Variants in RANBP9 observed in about 807,000 individuals in gnomAD.
RANBP9 encodes the protein RAN binding protein 9, also known as ran-binding protein 9.
Under a neutral mutation model 84.3 loss-of-function variants are expected in RANBP9, and 15 were observed. The observed-to-expected ratio is 0.18, with a 90% confidence interval of 0.12 to 0.27. The LOEUF is 0.27. Among genes scored for constraint, RANBP9 ranks in the 10% least tolerant of loss-of-function variants. RANBP9 has a pLI of 1.00. For synonymous variants in RANBP9, 392 were observed against 349.6 expected (o/e 1.12, Z -1.35); for missense variants, 809 against 912.8 (o/e 0.89, Z 1.46).
intron 13 of RANBP9, among the ~76,000 whole-genome samples, chr6:13,622,924 G>C (rs1444573105): frequency 6.6e-6 from 1 of 152,168 alleles, no homozygotes; most frequent in African/African-American, 2.4e-5. Flanking sequence ...CACCTCTGTG[G>C]ATAGGACCAA....
At chr6:13,686,741 T>C (rs1385966973) in intron 2 of RANBP9, among the ~76,000 whole-genome samples, 2 of 152,216 alleles carry the variant, frequency 1.3e-5, no homozygotes, top group African/African-American at 2.4e-5. Flanking sequence ...CTTTTCTAAA[T>C]GGGTTGTGAA....
At chr6:13,706,301 G>T (rs966400010) in intron 1 of RANBP9, among the ~76,000 whole-genome samples, 1 of 152,152 alleles carries the variant, frequency 6.6e-6, no homozygotes, top group African/African-American at 2.4e-5. Context: ...CCGAGATGGC[G>T]CCACTGCACT....
intron 5 of RANBP9, among the ~76,000 whole-genome samples, chr6:13,650,025 T>C (rs563439126): frequency 1.3e-5 from 2 of 152,338 alleles, no homozygotes; most frequent in Non-Finnish European, 2.9e-5. Context: ...TTTTTAAAAA[T>C]TTAACTCTTT....
chr6:13,665,284 TAAC>T (rs1765621299), intron 2 of RANBP9, among the ~76,000 whole-genome samples: 1 of 151,988 alleles, frequency 6.6e-6, no homozygotes, highest in Non-Finnish European at 1.5e-5. Flanking sequence ...ATTTAAAACT[TAAC>T]AAAAGACATA....
At chr6:13,709,051 T>A (rs1189139982) in intron 1 of RANBP9, among the ~76,000 whole-genome samples, 1 of 152,156 alleles carries the variant, frequency 6.6e-6, no homozygotes, top group Admixed American at 6.5e-5. Context: ...CAACAGAAAG[T>A]AATAAAGAGG....
chr6:13,631,367 T>C (rs1236982515), intron 12 of RANBP9, among the ~76,000 whole-genome samples: 1 of 152,194 alleles, frequency 6.6e-6, no homozygotes, highest in Non-Finnish European at 1.5e-5. Context: ...CCTACACTTG[T>C]GCTATGTTTC....
chr6:13,674,654 C>T (rs1412387956), intron 2 of RANBP9, among the ~76,000 whole-genome samples: 1 of 152,142 alleles, frequency 6.6e-6, no homozygotes, highest in Non-Finnish European at 1.5e-5. Context: ...ATAACTGAAA[C>T]CTGTTAGCAA....
Position 13,711,423 on chromosome 6 carries a change from G to A in RANBP9, c.83C>T (p.Ala28Val), listed in dbSNP as rs1160311782. ...CGGCAGGACGACTCCGGAGACTGGGGCCAAGGCCGCCGGCGGTGGCGGCGA... is the reference window on the plus strand; with the variant it reads ...CGGCAGGACGACTCCGGAGACTGGGACCAAGGCCGCCGGCGGTGGCGGCGA... ...QLSPPPPAAL[A>V]PVSGVVLPAP... Residue 28 changes from alanine (A) to valine (V), a missense_variant, in exon 1 of 14, where the codon GCC (alanine) becomes GTC (valine). Ala to Val is a moderately conservative substitution (Grantham distance 64). This residue lies in a region of RANBP9 where 302 missense variants were observed against 240.1 expected (regional missense o/e 1.26). Coordinates refer to ENST00000011619, the MANE Select transcript of RANBP9 (RefSeq NM_005493.3). The A allele has an allele frequency of 3.4e-6, 4 of 1,192,182 alleles. No individual in the cohort carries two copies. Among genetic ancestry groups the A allele is most frequent in the Non-Finnish European group, 3.1e-6 (3 of 962,508 alleles). 73.9% of individuals were successfully genotyped at this position (1,192,182 alleles called of 1,614,324 possible).
chr6:13,641,885 C>A (rs991267381), intron 7 of RANBP9, among the ~76,000 whole-genome samples: 5 of 152,160 alleles, frequency 3.3e-5, no homozygotes, highest in South Asian at 2.1e-4. Context: ...GTTGTTTTCA[C>A]CCATTAATTT....
intron 1 of RANBP9, among the ~76,000 whole-genome samples, chr6:13,706,376 T>G (rs1322188810): frequency 1.3e-5 from 2 of 150,564 alleles, no homozygotes; most frequent in Admixed American, 6.6e-5. Context: ...CCTATTTGGT[T>G]ATTGTTCATA....
chr6:13,641,562 C>T (rs1765064806), intron 7 of RANBP9, among the ~76,000 whole-genome samples: 1 of 151,746 alleles, frequency 6.6e-6, no homozygotes, highest in Non-Finnish European at 1.5e-5. Flanking sequence ...GTTAAAATAC[C>T]TATTATGCAA....
chr6:13,661,095 C>T (rs536899198), intron 2 of RANBP9, among the ~76,000 whole-genome samples: 2 of 152,288 alleles, frequency 1.3e-5, no homozygotes, highest in East Asian at 3.9e-4. Context: ...GCTGGAATAG[C>T]CTTCTCCTCT....
chr6:13,644,983 C>T (rs533876705), intron 5 of RANBP9, among the ~76,000 whole-genome samples: 12 of 152,264 alleles, frequency 7.9e-5, no homozygotes, highest in Admixed American at 4.6e-4. Flanking sequence ...TCAGGGACTA[C>T]GTTGTATTAT....
intron 4 of RANBP9, among the ~76,000 whole-genome samples, chr6:13,656,852 T>G (rs58586477): frequency 4.8e-4 from 73 of 152,286 alleles, no homozygotes; most frequent in African/African-American, 1.7e-3. Flanking sequence ...ATTTCTAGAA[T>G]AAGTATCTCA....
chr6:13,695,821 T>C (rs1766431461), intron 2 of RANBP9, among the ~76,000 whole-genome samples: 1 of 152,182 alleles, frequency 6.6e-6, no homozygotes, highest in African/African-American at 2.4e-5. Context: ...ACATCGAGAA[T>C]ATTCAGCCGA....
chr6:13,656,770 G>C lies in RANBP9; in HGVS notation c.904+339C>G, dbSNP rs1470000174. 3.3e-5 allele frequency among the ~76,000 whole-genome samples: 5 copies of C among 152,016 alleles called. No homozygotes were observed. In the South Asian group the frequency reaches 6.2e-4, roughly 19 times the overall value. On this transcript the variant is annotated intron_variant, in intron 4 of 13. Transcript: ENST00000011619. ...AACAACTGACTGCCCCTTTTTCTTA[G>C]CACCTGTTACCCAGAGAATTAGATT...
At chr6:13,707,173 G>A (rs1050510807) in intron 1 of RANBP9, among the ~76,000 whole-genome samples, 1 of 151,908 alleles carries the variant, frequency 6.6e-6, no homozygotes, top group Admixed American at 6.6e-5. Flanking sequence ...TCAAGTGTGT[G>A]CCACTTAGCC....
At chr6:13,648,467 A>C (rs1407860800) in intron 5 of RANBP9, among the ~76,000 whole-genome samples, 1 of 152,056 alleles carries the variant, frequency 6.6e-6, no homozygotes. Context: ...GCATGTTTTC[A>C]AGGTTCATCC....
At chr6:13,670,847 T>C (rs906410234) in intron 2 of RANBP9, among the ~76,000 whole-genome samples, 1 of 149,840 alleles carries the variant, frequency 6.7e-6, no homozygotes, top group Non-Finnish European at 1.5e-5. Flanking sequence ...TCCATAAAAT[T>C]TAAAATTTTT....
Sources: allele counts gnomAD v4.1 joint callset (sites outside exome capture counted in the v4.1 genomes callset), GRCh38; gene constraint gnomAD v4.1.1; regional missense constraint gnomAD v4.1.1; transcripts MANE v1.5; gene names NCBI Gene and HGNC (gene_info 2026-07-23, HGNC 2026-07-21).